Variants in PPFIA2 observed in about 807,000 individuals in gnomAD.
The protein encoded by PPFIA2 is PPFI scaffold protein A2, also known as liprin-alpha-2.
PPFIA2 carries 46 observed loss-of-function variants against 175.5 expected under a neutral mutation model. The observed-to-expected ratio is 0.26, with a 90% CI of 0.21 to 0.34. The LOEUF (loss-of-function observed/expected upper bound fraction) is 0.34, where lower values mean the gene tolerates loss of function less well. Among genes scored for constraint, PPFIA2 ranks in the 10% least tolerant of loss-of-function variants. The probability of loss-of-function intolerance (pLI) is 1.00; values close to 1 mark genes in which losing one functional copy is unlikely to be tolerated. For missense variants in PPFIA2, 1,179 were observed against 1,506.1 expected (o/e 0.78, Z 3.60); for synonymous variants, 568 against 511.4 (o/e 1.11, Z -1.49).
At chr12:81,532,469 C>T (rs2064722873) in intron 4 of PPFIA2, among the ~76,000 whole-genome samples, 1 of 151,752 alleles carries the variant, frequency 6.6e-6, no homozygotes, top group Non-Finnish European at 1.5e-5. Flanking sequence ...CCCTTCAAAG[C>T]TTTACAATTT....
intron 15 of PPFIA2, among the ~76,000 whole-genome samples, chr12:81,359,396 G>A (rs1285271631): frequency 2.0e-5 from 3 of 151,122 alleles, no homozygotes; most frequent in Non-Finnish European, 4.4e-5. Flanking sequence ...TTGTAGCAAT[G>A]TATTTGAGAC....
intron 8 of PPFIA2, among the ~76,000 whole-genome samples, chr12:81,387,688 T>C (rs1015678259): frequency 4.6e-5 from 7 of 152,164 alleles, no homozygotes; most frequent in East Asian, 1.9e-4. Flanking sequence ...TTTGAAGATA[T>C]TTAAAATTAT....
At chr12:81,332,408 G>T (rs960180641) in intron 21 of PPFIA2, among the ~76,000 whole-genome samples, 3 of 151,996 alleles carry the variant, frequency 2.0e-5, no homozygotes, top group Admixed American at 6.6e-5. Flanking sequence ...TTTTCTCAAA[G>T]ATAGGTCCCG....
At chr12:81,624,373 C>G (rs1208219870) in intron 4 of PPFIA2, among the ~76,000 whole-genome samples, 1 of 148,770 alleles carries the variant, frequency 6.7e-6, no homozygotes, top group African/African-American at 2.5e-5. Context: ...AGTCCCAGGT[C>G]ACTATAAAAT....
In PPFIA2 at chr12:81,662,228, A is replaced by T. The variant is rs559650476; in HGVS notation, c.303+14563T>A. On this transcript the variant is annotated intron_variant, in intron 4 of 32. Transcript: ENST00000549396. ...GCAGAACTGAAGGAGATAGAGACAT[A>T]AAAAAACCCTTCAAAAAATCAATGA... Among the ~76,000 whole-genome samples the T allele has an allele frequency of 2.4e-4, 36 of 152,088 alleles. No individual in the cohort carries two copies. The South Asian group carries it at 7.3e-3, about 31-fold the overall frequency.
intron 4 of PPFIA2, among the ~76,000 whole-genome samples, chr12:81,557,858 C>T (rs1003600462): frequency 6.6e-6 from 1 of 151,882 alleles, no homozygotes; most frequent in African/African-American, 2.4e-5. Flanking sequence ...AGTGCTTATG[C>T]TAAAATATAA....
At position 81,299,310 on chromosome 12, in the gene PPFIA2, T is replaced by G. The variant is rs200397092; in HGVS notation, c.2715A>C (p.Ala905=). The G allele has an allele frequency of 4.0e-5, 64 of 1,593,860 alleles. No homozygotes were observed. The highest frequency in any genetic ancestry group is 3.7e-5 in the Non-Finnish European group (43 of 1,169,414). Residue 905 remains alanine, a synonymous_variant, in exon 23 of 33, where the codon GCA becomes GCC. Coordinates refer to ENST00000549396, the MANE Select transcript of PPFIA2 (RefSeq NM_003625.5). ...AGTTTCATTCTCTTACCTCTAGCCA[T>G]GCGACCACAGTTGGCCCATCCCACT... ...FAQWDGPTVV[A]WLELWLGMPA... is the part of the protein sequence containing the mutation.
chr12:81,324,240 G>A (rs758049092), intron 22 of PPFIA2, among the ~76,000 whole-genome samples: 3 of 151,966 alleles, frequency 2.0e-5, no homozygotes, highest in African/African-American at 2.4e-5. Flanking sequence ...AGTGTATAAG[G>A]TTAATGATAG....
chr12:81,264,671 A>T (rs1248169275), intron 30 of PPFIA2, among the ~76,000 whole-genome samples: 1 of 152,210 alleles, frequency 6.6e-6, no homozygotes, highest in Non-Finnish European at 1.5e-5. Flanking sequence ...TCAGGGAAAA[A>T]TAAAATCATT....
chr12:81,679,498 A>C (rs2073198963), intron 3 of PPFIA2, among the ~76,000 whole-genome samples: 2 of 151,886 alleles, frequency 1.3e-5, no homozygotes, highest in Admixed American at 1.3e-4. Context: ...GCCAAGTTTC[A>C]GATTTTTAAA....
intron 4 of PPFIA2, among the ~76,000 whole-genome samples, chr12:81,659,906 A>G (rs1377905787): frequency 1.3e-5 from 2 of 152,048 alleles, no homozygotes; most frequent in Non-Finnish European, 2.9e-5. Flanking sequence ...CCAATATTCG[A>G]TATTCTGCAG....
intron 7 of PPFIA2, among the ~76,000 whole-genome samples, chr12:81,414,505 T>C (rs1055180281): frequency 6.6e-6 from 1 of 151,786 alleles, no homozygotes; most frequent in African/African-American, 2.4e-5. Context: ...TCTTTCATGC[T>C]ATTTCTACAG....
rs539195156 is a variant in PPFIA2, at chr12:81,653,240, G to T, written c.303+23551C>A. Among the ~76,000 whole-genome samples, 30 of 152,174 alleles carry T rather than the reference G, an allele frequency of 2.0e-4. No homozygotes were observed. The South Asian group carries it at 6.0e-3, about 30-fold the overall frequency. On this transcript the variant is annotated intron_variant, in intron 4 of 32. Coordinates refer to ENST00000549396, the MANE Select transcript of PPFIA2 (RefSeq NM_003625.5). ...ACTTCCATCATTTTCCATAGTACTT[G>T]GAATAAAATCCAGACTCCTACAGGA...
At chr12:81,310,648 T>C (rs1361100533) in intron 22 of PPFIA2, among the ~76,000 whole-genome samples, 1 of 152,116 alleles carries the variant, frequency 6.6e-6, no homozygotes, top group Non-Finnish European at 1.5e-5. Flanking sequence ...AAACTCAATG[T>C]CTATAATATT....
intron 4 of PPFIA2, among the ~76,000 whole-genome samples, chr12:81,571,295 T>C (rs1422461435): frequency 6.6e-6 from 1 of 152,140 alleles, no homozygotes; most frequent in East Asian, 1.9e-4. Flanking sequence ...TAAACTTGTC[T>C]TGGGAGTGGA....
At chr12:81,535,540 C>T (rs1240331518) in intron 4 of PPFIA2, 1 of 446,112 alleles carries the variant, frequency 2.2e-6, no homozygotes, top group African/African-American at 2.0e-5. Flanking sequence ...AACTCAATAA[C>T]ACAAAAATAC....
At chr12:81,442,054 T>C (rs1363376049) in intron 6 of PPFIA2, among the ~76,000 whole-genome samples, 1 of 152,110 alleles carries the variant, frequency 6.6e-6, no homozygotes, top group Non-Finnish European at 1.5e-5. Context: ...TTAGAACTGT[T>C]CCAAACTGTT....
At chr12:81,305,527 A>G (rs1367645589) in intron 22 of PPFIA2, among the ~76,000 whole-genome samples, 1 of 152,134 alleles carries the variant, frequency 6.6e-6, no homozygotes, top group Non-Finnish European at 1.5e-5. Flanking sequence ...CTCTCTAGCT[A>G]CAATGGATAC....
intron 4 of PPFIA2, among the ~76,000 whole-genome samples, chr12:81,463,381 G>A (rs1390609020): frequency 6.6e-6 from 1 of 152,098 alleles, no homozygotes; most frequent in Non-Finnish European, 1.5e-5. Flanking sequence ...TGAGATAAGA[G>A]AATTAGGTCA....
Sources: gnomAD v4.1 joint callset for allele counts (sites outside exome capture counted in the v4.1 genomes callset) on GRCh38, gnomAD v4.1.1 for gene constraint, MANE v1.5 for transcripts, NCBI Gene and HGNC (gene_info 2026-07-23, HGNC 2026-07-21) for gene names.